Variants in CUX1 observed in about 807,000 individuals in gnomAD.
The protein encoded by CUX1 is cut like homeobox 1, also known as protein CASP.
CUX1 carries 31 observed loss-of-function variants against 158.8 expected under a neutral mutation model. That is an observed-to-expected ratio of 0.20 (90% CI 0.15 to 0.26). The LOEUF (loss-of-function observed/expected upper bound fraction) is 0.26. Among genes scored for constraint, CUX1 ranks in the 10% least tolerant of loss-of-function variants. The pLI, the probability that CUX1 is intolerant of heterozygous loss-of-function variation, is 1.00. For synonymous variants in CUX1, 879 were observed against 862.1 expected (o/e 1.02, Z -0.34); for missense variants, 1,589 against 2,014.6 (o/e 0.79, Z 4.04).
At chr7:101,870,158 T>TTTG (rs1798362329) in intron 1 of CUX1, among the ~76,000 whole-genome samples, 2 of 149,150 alleles carry the variant, frequency 1.3e-5, no homozygotes, top group African/African-American at 4.9e-5. Context: ...TTTTTGTTTT[T>TTTG]TTTTTTTTTT....
chr7:101,854,622 A>T (rs1796597706), intron 1 of CUX1, among the ~76,000 whole-genome samples: 1 of 152,192 alleles, frequency 6.6e-6, no homozygotes. Context: ...CGATTGCTGG[A>T]GTAAGAAATG....
chr7:102,056,178 G>A (rs1422089080), intron 3 of CUX1, among the ~76,000 whole-genome samples: 1 of 152,220 alleles, frequency 6.6e-6, no homozygotes, highest in African/African-American at 2.4e-5. Flanking sequence ...ATGCTTTGGT[G>A]GAAGCTGCAG....
At chr7:102,282,668 G>A in intron 21 of CUX1, 1 of 1,601,270 alleles carries the variant, frequency 6.2e-7, no homozygotes, top group Non-Finnish European at 8.5e-7. Flanking sequence ...TGCAGGGGTG[G>A]CCTTGAGGCG....
chr7:102,128,830 T>A (rs1399689323), intron 8 of CUX1, among the ~76,000 whole-genome samples: 1 of 151,596 alleles, frequency 6.6e-6, no homozygotes, highest in Admixed American at 6.6e-5. Context: ...ATACAAAAAT[T>A]TGCTGGGCGT....
chr7:102,243,359 G>C (rs1800426813), intron 23 of CUX1, among the ~76,000 whole-genome samples: 1 of 152,132 alleles, frequency 6.6e-6, no homozygotes. Flanking sequence ...AACAAAGCAG[G>C]CTGGGCTGAG....
chr7:101,909,672 A>ATCC (rs778834518), intron 1 of CUX1, among the ~76,000 whole-genome samples: 76 of 152,330 alleles, frequency 5.0e-4, no homozygotes, highest in Non-Finnish European at 7.5e-4. Context: ...ACATCAGATG[A>ATCC]ACTCACTCTT....
chr7:101,897,724 C>T (rs1801672146), intron 1 of CUX1, among the ~76,000 whole-genome samples: 1 of 152,010 alleles, frequency 6.6e-6, no homozygotes, highest in African/African-American at 2.4e-5. Context: ...TATTATCATC[C>T]CCAAATCTTT....
intron 3 of CUX1, among the ~76,000 whole-genome samples, chr7:102,042,058 G>T (rs1671159307): frequency 1.3e-5 from 2 of 151,928 alleles, no homozygotes; most frequent in Admixed American, 1.3e-4. Context: ...GTGTGAGTGT[G>T]TGTGTGTGTG....
intron 1 of CUX1, among the ~76,000 whole-genome samples, chr7:101,879,918 T>C (rs1380398893): frequency 1.3e-5 from 2 of 152,194 alleles, no homozygotes; most frequent in East Asian, 3.9e-4. Context: ...TACCACCTCC[T>C]GACTTGTGGA....
intron 9 of CUX1, among the ~76,000 whole-genome samples, chr7:102,169,570 G>T (rs148396630): frequency 2.6e-5 from 4 of 152,342 alleles, no homozygotes; most frequent in African/African-American, 9.6e-5. Flanking sequence ...TGTGTCCTGG[G>T]CACTTCCGTG....
At chr7:101,971,125 G>A (rs1266702503) in intron 2 of CUX1, among the ~76,000 whole-genome samples, 1 of 152,254 alleles carries the variant, frequency 6.6e-6, no homozygotes, top group Non-Finnish European at 1.5e-5. Flanking sequence ...GGCTCAGAGA[G>A]GTCACTGGCC....
intron 1 of CUX1, among the ~76,000 whole-genome samples, chr7:101,886,742 C>G (rs889048015): frequency 6.6e-6 from 1 of 152,140 alleles, no homozygotes; most frequent in Non-Finnish European, 1.5e-5. Context: ...GAGCAGGGAC[C>G]GCAGGCACAA....
At chr7:101,961,380 T>C (rs1810473143) in intron 2 of CUX1, 1 of 152,140 alleles carries the variant, frequency 6.6e-6, no homozygotes, top group African/African-American at 2.4e-5. Flanking sequence ...TAAATATTGG[T>C]TATTATTGTT....
chr7:102,218,478 G>T (rs1219762534), intron 20 of CUX1, among the ~76,000 whole-genome samples: 1 of 152,192 alleles, frequency 6.6e-6, no homozygotes, highest in Non-Finnish European at 1.5e-5. Context: ...GAGCCCAGGA[G>T]TTCAAGACCA....
chr7:102,225,997 G>A (rs968844391), intron 20 of CUX1, among the ~76,000 whole-genome samples: 11 of 152,262 alleles, frequency 7.2e-5, no homozygotes, highest in African/African-American at 1.4e-4. Flanking sequence ...ACCTCAGCCC[G>A]AAGCCACATC....
At chr7:101,857,496 T>G (rs573648097) in intron 1 of CUX1, among the ~76,000 whole-genome samples, 2 of 152,190 alleles carry the variant, frequency 1.3e-5, no homozygotes, top group African/African-American at 4.8e-5. Context: ...GTCAGCTGTT[T>G]TGAATTAAAG....
chr7:102,160,800 G>A (rs1184080202), intron 9 of CUX1, among the ~76,000 whole-genome samples: 1 of 152,156 alleles, frequency 6.6e-6, no homozygotes, highest in Admixed American at 6.6e-5. Flanking sequence ...AGGGAAATAC[G>A]AAGTTGTTGT....
downstream of CUX1, among the ~76,000 whole-genome samples, chr7:102,259,359 C>T (rs1418710809): frequency 6.6e-6 from 1 of 151,948 alleles, no homozygotes; most frequent in Non-Finnish European, 1.5e-5. Flanking sequence ...AGGCCGAGGC[C>T]GGTGGATCAC....
At chr7:102,264,375 C>T (rs1023065719) in intron 14 of CUX1, among the ~76,000 whole-genome samples, 6 of 152,146 alleles carry the variant, frequency 3.9e-5, no homozygotes, top group Non-Finnish European at 7.3e-5. Context: ...GAAGGAAGGA[C>T]GTTCTAGGCA....
Sources: allele counts gnomAD v4.1 joint callset (sites outside exome capture counted in the v4.1 genomes callset), GRCh38; gene constraint gnomAD v4.1.1; transcripts MANE v1.5; gene names NCBI Gene and HGNC (gene_info 2026-07-23, HGNC 2026-07-21).